IL26: variants seen among roughly 807,000 people sequenced by gnomAD.
The protein encoded by IL26 is interleukin 26.
IL26 carries 23 observed loss-of-function variants against 21.7 expected under a neutral mutation model. The ratio of observed to expected loss-of-function variants is 1.06; its 90% CI spans 0.76 to 1.50. IL26 has a LOEUF of 1.50. Ranked by LOEUF, IL26 falls within the 40% of genes most tolerant of loss-of-function variation. The probability of loss-of-function intolerance (pLI) is 0.00; values close to 1 mark genes in which losing one functional copy is unlikely to be tolerated. For missense variants in IL26, 204 were observed against 196.0 expected, an observed-to-expected ratio of 1.04 and a Z score of -0.24; for synonymous variants, 63 against 67.8, an observed-to-expected ratio of 0.93 and a Z score of 0.34.
Position 68,225,283 on chromosome 12 carries a change from T to C in IL26, c.229A>G (p.Lys77Glu). Residue 77 changes from lysine (K) to glutamate (E), a missense_variant and splice_region_variant, in exon 3 of 5, where the codon AAA becomes GAA. Physicochemically the swap from Lys to Glu is moderately conservative, Grantham distance 56. Transcript: ENST00000229134. ...LKKKTKKQFM[K>E]NCQFQEQLLS... ...AGCTGTTCTTGAAATTGACAGTTTT[T>C]CTAAAAATAAGATACAAGAAATTGC... 6.2e-7 allele frequency: 1 copy of C among 1,604,224 alleles called. No individual in the cohort carries two copies. Among genetic ancestry groups the C allele is most frequent in the Non-Finnish European group, 8.5e-7 (1 of 1,176,270 alleles).
Position 68,225,285 on chromosome 12 carries a change from TA to T in IL26, c.229-3del, listed in dbSNP as rs1869208766. 11 of 1,603,708 alleles carry T rather than the reference TA, an allele frequency of 6.9e-6. No homozygotes were observed. The South Asian group carries it at 1.0e-4, about 15-fold the overall frequency. The stretch of plus-strand genomic sequence containing the variant: ...CTGTTCTTGAAATTGACAGTTTTTC[TA>T]AAAATAAGATACAAGAAATTGCATA... On this transcript the variant is annotated splice_region_variant and splice_polypyrimidine_tract_variant and intron_variant, in intron 2 of 4. Coordinates refer to ENST00000229134, the MANE Select transcript of IL26 (RefSeq NM_018402.2).
At chr12:68,208,556 T>C (rs1592895898) in intron 3 of IL26, among the ~76,000 whole-genome samples, 1 of 152,154 alleles carries the variant, frequency 6.6e-6, no homozygotes, top group East Asian at 1.9e-4. Flanking sequence ...TGGAGTGCAG[T>C]GGCGCGCGCA....
chr12:68,201,886 G>A lies in IL26; in HGVS notation c.475C>T (p.Leu159Phe), dbSNP rs2120412051. Residue 159 changes from leucine to phenylalanine, a missense_variant, in exon 5 of 5, where the codon CTT (leucine) becomes TTT (phenylalanine). Physicochemically the swap from Leu to Phe is conservative, Grantham distance 22. Coordinates refer to ENST00000229134, the MANE Select transcript of IL26 (RefSeq NM_018402.2). ...IYKAISELDILLSWIKKLLES... is the reference protein window; with the variant it reads ...IYKAISELDIFLSWIKKLLES... ...AATAATTTTTTAATCCAGGAAAGAA[G>A]AATATCCAGTTCACTGATGGCTTTG... The A allele has an allele frequency of 6.2e-7, 1 of 1,605,822 alleles. No homozygotes were observed.
At chr12:68,211,468 T>A (rs1420356918) in intron 3 of IL26, among the ~76,000 whole-genome samples, 6 of 152,210 alleles carry the variant, frequency 3.9e-5, no homozygotes, top group Non-Finnish European at 2.9e-5. Flanking sequence ...TTTCAGTTTT[T>A]TGAGGAGCTT....
chr12:68,225,323 G>C, intron 2 of IL26, 40 bp from the exon 3 acceptor site: 6 of 1,586,400 alleles, frequency 3.8e-6, no homozygotes, highest in Non-Finnish European at 5.1e-6. Flanking sequence ...GGTAAATTAT[G>C]AATCGTTTTT....
In IL26 at chr12:68,225,442, A is replaced by G; in HGVS notation, c.228+2T>C. On this transcript the variant is annotated splice_donor_variant, in intron 2 of 4. Coordinates refer to ENST00000229134, the MANE Select transcript of IL26 (RefSeq NM_018402.2). LOFTEE classifies it high-confidence loss of function. ...AAAAAAGAAGAAGACTTTCTGACTT[A>G]CCATAAACTGCTTTTTTGTTTTCTT... The G allele has an allele frequency of 6.4e-7, 1 of 1,573,494 alleles. No individual in the cohort carries two copies. The highest frequency in any genetic ancestry group is 8.7e-7 in the Non-Finnish European group (1 of 1,145,400).
rs114308941 is a variant in IL26, at chr12:68,221,205, C to T, written c.363+3944G>A. On this transcript the variant is annotated intron_variant, in intron 3 of 4. Coordinates refer to ENST00000229134, the MANE Select transcript of IL26 (RefSeq NM_018402.2). ...ATAAAAGAAAAAACTAATTCAACAACTTGGTCATTGACAAATTCATCATTT... is the reference window on the plus strand; with the variant it reads ...ATAAAAGAAAAAACTAATTCAACAATTTGGTCATTGACAAATTCATCATTT... 9.0e-3 allele frequency among the ~76,000 whole-genome samples: 1,365 copies of T among 152,204 alleles called. 26 individuals are homozygous for T. Among genetic ancestry groups the T allele is most frequent in the African/African-American group, 0.032 (1,314 of 41,502 alleles).
At chr12:68,218,577 G>C (rs956181316) in intron 3 of IL26, among the ~76,000 whole-genome samples, 2 of 152,018 alleles carry the variant, frequency 1.3e-5, no homozygotes, top group African/African-American at 4.8e-5. Flanking sequence ...TCAGTGAGCT[G>C]TGGGACAACT....
In IL26 at chr12:68,225,300, A is replaced by G; in HGVS notation, c.229-17T>C. The G allele has an allele frequency of 6.2e-7, 1 of 1,601,726 alleles. No individual in the cohort carries two copies. Among genetic ancestry groups the G allele is most frequent in the Non-Finnish European group, 8.5e-7 (1 of 1,173,902 alleles). ...ACAGTTTTTCTAAAAATAAGATACA[A>G]GAAATTGCATATGGTAAATTATGAA... On this transcript the variant is annotated splice_polypyrimidine_tract_variant and intron_variant, in intron 2 of 4. Transcript: ENST00000229134.
chr12:68,204,734 G>A (rs907348771), intron 3 of IL26, among the ~76,000 whole-genome samples: 3 of 151,992 alleles, frequency 2.0e-5, no homozygotes. Flanking sequence ...ACTGCACTCT[G>A]GTTGAAGGAA....
intron 3 of IL26, among the ~76,000 whole-genome samples, chr12:68,221,172 C>A (rs1869034570): frequency 6.6e-6 from 1 of 152,030 alleles, no homozygotes; most frequent in Non-Finnish European, 1.5e-5. Context: ...TCAACTAAAA[C>A]TAAATAAATA....
chr12:68,219,876 G>C (rs1868999021), intron 3 of IL26, among the ~76,000 whole-genome samples: 1 of 151,894 alleles, frequency 6.6e-6, no homozygotes. Flanking sequence ...AGAAATAAGA[G>C]AAGTGACATC....
intron 3 of IL26, among the ~76,000 whole-genome samples, chr12:68,209,671 C>A (rs1225585113): frequency 1.3e-5 from 2 of 152,158 alleles, no homozygotes; most frequent in African/African-American, 4.8e-5. Context: ...GGACCCTGCA[C>A]ATGTTCCAAG....
chr12:68,220,352 G>A (rs1020454184), intron 3 of IL26, among the ~76,000 whole-genome samples: 6 of 152,048 alleles, frequency 3.9e-5, no homozygotes, highest in Non-Finnish European at 7.4e-5. Context: ...ATATATTATT[G>A]CCAAGTAGAG....
chr12:68,225,363 C>T (rs185979345), intron 2 of IL26, 80 bp from the exon 3 acceptor site: 535 of 1,529,574 alleles, frequency 3.5e-4, no homozygotes, highest in Middle Eastern at 3.1e-3. Context: ...CTTAATTACT[C>T]TCTGAAAAAA....
At chr12:68,208,515 T>C (rs1868609679) in intron 3 of IL26, among the ~76,000 whole-genome samples, 1 of 152,110 alleles carries the variant, frequency 6.6e-6, no homozygotes, top group Non-Finnish European at 1.5e-5. Context: ...TCTTTTTTCT[T>C]GAGACGGAGT....
chr12:68,206,885 T>C (rs1868559063), intron 3 of IL26, among the ~76,000 whole-genome samples: 1 of 152,238 alleles, frequency 6.6e-6, no homozygotes. Context: ...TCTTGTTATC[T>C]TGACAGTTTT....
intron 3 of IL26, among the ~76,000 whole-genome samples, chr12:68,214,032 A>C (rs986897774): frequency 6.6e-6 from 1 of 152,088 alleles, no homozygotes; most frequent in East Asian, 1.9e-4. Context: ...GCTGTATCCC[A>C]TAGGTTTTGG....
At chr12:68,211,087 C>T (rs778151374) in intron 3 of IL26, among the ~76,000 whole-genome samples, 20 of 152,190 alleles carry the variant, frequency 1.3e-4, no homozygotes, top group Non-Finnish European at 2.5e-4. Context: ...CATCTTGCCA[C>T]ACCCCTACCT....
Sources: allele counts gnomAD v4.1 joint callset (sites outside exome capture counted in the v4.1 genomes callset), GRCh38; gene constraint gnomAD v4.1.1; transcripts MANE v1.5; gene names NCBI Gene and HGNC (gene_info 2026-07-23, HGNC 2026-07-21).